PRSS3: variants seen among roughly 807,000 people sequenced by gnomAD.
The protein encoded by PRSS3 is serine protease 3, also known as trypsin-3.
In PRSS3, 14 loss-of-function variants were observed where a neutral mutation model predicts 20.8. The observed-to-expected ratio is 0.67, with a 90% CI of 0.44 to 1.05. The LOEUF is 1.05. Among genes scored for constraint, PRSS3 ranks in the 50% least tolerant of loss-of-function variants. The pLI, the probability that PRSS3 is intolerant of heterozygous loss-of-function variation, is 0.00. For synonymous variants in PRSS3, 91 were observed against 117.6 expected (o/e 0.77, Z 1.46); for missense variants, 237 against 306.4 (o/e 0.77, Z 1.69).
chr9:33,796,641 A>G lies in PRSS3; in HGVS notation c.41-2A>G. On this transcript the variant is annotated splice_acceptor_variant, in intron 1 of 4. Transcript: ENST00000379405. LOFTEE classifies it high-confidence loss of function. ...CCTTCTCCCTTCCTATTTCCACTCC[A>G]GTTGCTGTCCCCTTTGACGATGATG... 4.3e-6 allele frequency: 7 copies of G among 1,613,934 alleles called. No homozygotes were observed. Among genetic ancestry groups the G allele is most frequent in the Non-Finnish European group, 5.1e-6 (6 of 1,179,824 alleles).
upstream of PRSS3, among the ~76,000 whole-genome samples, chr9:33,792,984 C>T (rs1824704502): frequency 6.6e-6 from 1 of 152,242 alleles, no homozygotes; most frequent in Non-Finnish European, 1.5e-5. Context: ...GGATCTGAAC[C>T]TATCCTACAC....
intron 1 of PRSS3, among the ~76,000 whole-genome samples, chr9:33,775,273 AT>A (rs1823872665): frequency 6.6e-6 from 1 of 152,172 alleles, no homozygotes; most frequent in Admixed American, 6.5e-5. Context: ...AGCTCAGCCA[AT>A]GACTTTTAAG....
At chr9:33,790,025 A>T (rs1397546006) in intron 1 of PRSS3, among the ~76,000 whole-genome samples, 1 of 152,238 alleles carries the variant, frequency 6.6e-6, no homozygotes, top group Non-Finnish European at 1.5e-5. Flanking sequence ...ATATGCAATT[A>T]GTGTAGTTGC....
rs1341691538 is a variant in PRSS3, at chr9:33,761,883, A to C, written c.-53+11156A>C. On this transcript the variant is annotated intron_variant, in intron 1 of 5. Transcript: ENST00000342836. ...GACAGAGTGAGACCTTGTCTCAAAA[A>C]AAAGAAGAAAAAAAGGTATTATAAT... Among the ~76,000 whole-genome samples, 3 of 151,910 alleles carry C rather than the reference A, an allele frequency of 2.0e-5. No homozygotes were observed. The East Asian group carries it at 5.8e-4, about 29-fold the overall frequency.
chr9:33,798,908 G>A lies in PRSS3; in HGVS notation c.592-120G>A, dbSNP rs1010188756. The A allele has an allele frequency of 2.5e-5, 34 of 1,350,794 alleles. No individual in the cohort carries two copies. In the African/African-American group the frequency reaches 4.3e-4, roughly 17 times the overall value. 83.7% of individuals were successfully genotyped at this position (1,350,794 alleles called of 1,614,324 possible). ...TAGGAAGAACAGAGAATGGGCCACC[G>A]TGGGAAGGACGTGGAGCCACAGAGC... On this transcript the variant is annotated intron_variant, in intron 4 of 4. Transcript: ENST00000379405.
intron 1 of PRSS3, among the ~76,000 whole-genome samples, chr9:33,755,885 CAG>C (rs1293407990): frequency 6.6e-6 from 1 of 152,186 alleles, no homozygotes; most frequent in African/African-American, 2.4e-5. Flanking sequence ...TCTGAAAAGA[CAG>C]AGTCTAGAAC....
chr9:33,759,482 T>C (rs1482445907), intron 1 of PRSS3, among the ~76,000 whole-genome samples: 1 of 152,104 alleles, frequency 6.6e-6, no homozygotes, highest in Non-Finnish European at 1.5e-5. Context: ...TTTGGTGTCT[T>C]TGGGGGCAAT....
intron 1 of PRSS3, among the ~76,000 whole-genome samples, chr9:33,753,019 G>A (rs1401609144): frequency 6.6e-6 from 1 of 152,230 alleles, no homozygotes; most frequent in African/African-American, 2.4e-5. Flanking sequence ...TCAAAAATGA[G>A]GAGATGGAAA....
chr9:33,779,785 C>T (rs1824097534), intron 1 of PRSS3, among the ~76,000 whole-genome samples: 1 of 131,594 alleles, frequency 7.6e-6, no homozygotes, highest in Non-Finnish European at 1.6e-5. Context: ...AGGAGAATGG[C>T]GTGAACCTGG....
intron 1 of PRSS3, among the ~76,000 whole-genome samples, chr9:33,755,104 T>C (rs1401660658): frequency 6.6e-6 from 1 of 152,090 alleles, no homozygotes; most frequent in Non-Finnish European, 1.5e-5. Context: ...GGTCTATAAA[T>C]CTCCATTCCG....
upstream of PRSS3, chr9:33,794,839 T>G (rs1587398604): frequency 6.5e-7 from 1 of 1,550,374 alleles, no homozygotes; most frequent in East Asian, 2.4e-5. Flanking sequence ...AGGGGAGGAG[T>G]GCGCCATTGG....
chr9:33,751,428 G>A (rs1406379553), intron 1 of PRSS3, among the ~76,000 whole-genome samples: 4 of 152,146 alleles, frequency 2.6e-5, no homozygotes, highest in Admixed American at 6.5e-5. Context: ...CCCTGTCTAG[G>A]GCCAGAGAAA....
intron 1 of PRSS3, among the ~76,000 whole-genome samples, chr9:33,773,163 T>G (rs565892107): frequency 6.6e-6 from 1 of 152,288 alleles, no homozygotes; most frequent in South Asian, 2.1e-4. Flanking sequence ...TTGCCTCCAT[T>G]TTCTCTTTCT....
At chr9:33,786,923 G>T in intron 1 of PRSS3, 1 of 600,410 alleles carries the variant, frequency 1.7e-6, no homozygotes, top group Non-Finnish European at 3.0e-6. Context: ...TGTCAAGGTG[G>T]GACAGAAGAG....
intron 1 of PRSS3, chr9:33,786,716 A>G: frequency 2.6e-6 from 2 of 766,296 alleles, no homozygotes; most frequent in Non-Finnish European, 4.8e-6. Flanking sequence ...ATATGAGAGC[A>G]GATTTGTCAT....
Position 33,750,932 on chromosome 9 carries a change from G to A in PRSS3, c.-53+205G>A. On this transcript the variant is annotated intron_variant, in intron 1 of 5. Transcript: ENST00000342836. This position sits in a 1 kb window ranked among gnomAD's most constrained non-coding sequence, Gnocchi z 4.8. ...GGCTCCTCTAGGGGAGGACGGGAGG[G>A]GATGGAGGGCCCTGGTGTCGCAGAA... 4 of 1,239,694 alleles carry A rather than the reference G, an allele frequency of 3.2e-6. No homozygotes were observed. Among genetic ancestry groups the A allele is most frequent in the Non-Finnish European group, 4.1e-6 (4 of 971,884 alleles). 76.8% of individuals were successfully genotyped at this position (1,239,694 alleles called of 1,614,324 possible).
chr9:33,780,427 A>T (rs1440539290), intron 1 of PRSS3, among the ~76,000 whole-genome samples: 1 of 152,344 alleles, frequency 6.6e-6, no homozygotes, highest in East Asian at 1.9e-4. Flanking sequence ...TAAATATGGA[A>T]TCTAGAGAAC....
chr9:33,762,186 TA>T (rs1223550513), intron 1 of PRSS3: 3 of 152,188 alleles, frequency 2.0e-5, no homozygotes, highest in African/African-American at 7.2e-5. Context: ...TTTTTCATAG[TA>T]ATTGTGTTCC....
rs545430189 is a variant in PRSS3 at position 33,798,424 on chromosome 9, T to C, written c.455-62T>C. Reference sequence around the variant, plus strand: ...TCTTCAATGTTCCATCCCAGATTATTGTCTCCTTCTCTGGCCTCACCCACA... The same window carrying C: ...TCTTCAATGTTCCATCCCAGATTATCGTCTCCTTCTCTGGCCTCACCCACA... On this transcript the variant is annotated intron_variant, in intron 3 of 4. Coordinates refer to ENST00000379405, the MANE Select transcript of PRSS3 (RefSeq NM_002771.4). The C allele has an allele frequency of 1.9e-5, 31 of 1,598,410 alleles. No individual in the cohort carries two copies. The Admixed American group carries it at 3.3e-4, about 17-fold the overall frequency.
Sources: gnomAD v4.1 joint callset for allele counts (sites outside exome capture counted in the v4.1 genomes callset) on GRCh38, gnomAD v4.1.1 for gene constraint, Gnocchi (gnomAD v3.1) non-coding constraint, MANE v1.5 for transcripts, NCBI Gene and HGNC (gene_info 2026-07-23, HGNC 2026-07-21) for gene names.